CCSER1: variants seen among roughly 807,000 people sequenced by gnomAD.
The protein encoded by CCSER1 is coiled-coil serine rich protein 1, also known as serine-rich coiled-coil domain-containing protein 1.
CCSER1 carries 41 observed loss-of-function variants against 82.0 expected under a neutral mutation model. The observed-to-expected ratio is 0.50, with a 90% CI of 0.39 to 0.65. The LOEUF is 0.65. CCSER1 is among the 30% of genes least tolerant of loss of function. The probability of loss-of-function intolerance (pLI) is 0.00; values close to 1 mark genes in which losing one functional copy is unlikely to be tolerated. For synonymous variants in CCSER1, 414 were observed against 383.9 expected, an observed-to-expected ratio of 1.08 and a Z score of -0.92; for missense variants, 1,119 against 1,064.2, an observed-to-expected ratio of 1.05 and a Z score of -0.72.
At chr4:91,091,366 G>C (rs1723932296) in intron 10 of CCSER1, among the ~76,000 whole-genome samples, 1 of 152,066 alleles carries the variant, frequency 6.6e-6, no homozygotes, top group South Asian at 2.1e-4. Context: ...TTTGTACTGA[G>C]TGTTATTATA....
At chr4:90,232,511 A>G (rs984248161) in intron 1 of CCSER1, among the ~76,000 whole-genome samples, 6 of 151,846 alleles carry the variant, frequency 4.0e-5, no homozygotes, top group Admixed American at 1.3e-4. Context: ...ACCTAAAACC[A>G]TAAAAACCCT....
At chr4:90,560,237 C>T (rs78052145) in intron 5 of CCSER1, among the ~76,000 whole-genome samples, 3,630 of 151,940 alleles carry the variant, frequency 0.024, 105 homozygotes, top group South Asian at 0.077. Context: ...AGGGGGTATC[C>T]CTTGGTGCAC....
intron 1 of CCSER1, among the ~76,000 whole-genome samples, chr4:90,155,457 C>T (rs543632298): frequency 4.3e-4 from 66 of 152,254 alleles, no homozygotes; most frequent in Admixed American, 4.1e-3. Flanking sequence ...AGGAATGGTA[C>T]CAGTTCCTCC....
At chr4:90,328,022 A>T (rs1301245309) in intron 3 of CCSER1, among the ~76,000 whole-genome samples, 4 of 151,954 alleles carry the variant, frequency 2.6e-5, no homozygotes, top group Non-Finnish European at 5.9e-5. Context: ...TCACACCCAC[A>T]CTTTAAACAC....
intron 1 of CCSER1, among the ~76,000 whole-genome samples, chr4:90,156,624 G>T (rs183161418): frequency 0.033 from 5,087 of 152,232 alleles, 148 homozygotes; most frequent in Non-Finnish European, 0.05. Flanking sequence ...TTACCATTAT[G>T]TAATGGCCTT....
chr4:90,240,118 G>C (rs1746565511), intron 1 of CCSER1, among the ~76,000 whole-genome samples: 1 of 152,144 alleles, frequency 6.6e-6, no homozygotes, highest in Non-Finnish European at 1.5e-5. Context: ...GTTTGGCTGA[G>C]CATCCAGAGA....
chr4:91,373,798 C>G (rs1297190643), intron 10 of CCSER1, among the ~76,000 whole-genome samples: 1 of 152,038 alleles, frequency 6.6e-6, no homozygotes, highest in African/African-American at 2.4e-5. Context: ...GTTTCTTGCA[C>G]CAGCAATTAG....
intron 1 of CCSER1, among the ~76,000 whole-genome samples, chr4:90,167,980 G>T (rs1489405573): frequency 2.0e-5 from 3 of 152,146 alleles, no homozygotes; most frequent in East Asian, 1.9e-4. Context: ...AATCCTTTGG[G>T]TATCTACCCA....
chr4:90,135,457 A>C (rs1357066397), intron 1 of CCSER1, among the ~76,000 whole-genome samples: 3 of 152,218 alleles, frequency 2.0e-5, no homozygotes, highest in African/African-American at 7.2e-5. Flanking sequence ...ATCTGCCAGC[A>C]GACACCAGAA....
intron 1 of CCSER1, among the ~76,000 whole-genome samples, chr4:90,251,991 C>A (rs1722477435): frequency 1.3e-5 from 2 of 151,700 alleles, no homozygotes; most frequent in South Asian, 2.1e-4. Flanking sequence ...ATTCTGCTGG[C>A]TTTTAAGTTT....
chr4:90,616,819 G>C (rs1721376116), intron 5 of CCSER1, among the ~76,000 whole-genome samples: 3 of 152,068 alleles, frequency 2.0e-5, no homozygotes, highest in African/African-American at 4.8e-5. Context: ...GAATTACTCT[G>C]AGGTGAAACT....
intron 9 of CCSER1, among the ~76,000 whole-genome samples, chr4:91,065,375 T>C (rs72886657): frequency 0.021 from 3,269 of 152,230 alleles, 104 homozygotes; most frequent in African/African-American, 0.073. Flanking sequence ...TGATGTACAT[T>C]ATTGTATAAT....
chr4:90,329,261 C>A (rs1434010310), intron 3 of CCSER1, among the ~76,000 whole-genome samples: 1 of 152,054 alleles, frequency 6.6e-6, no homozygotes, highest in Non-Finnish European at 1.5e-5. Flanking sequence ...ACACTGAACT[C>A]CAATGTTACC....
intron 9 of CCSER1, among the ~76,000 whole-genome samples, chr4:90,978,022 G>T (rs1205848287): frequency 2.6e-5 from 4 of 151,514 alleles, no homozygotes; most frequent in Non-Finnish European, 5.9e-5. Context: ...CTGATATCCT[G>T]CAAATTACAT....
intron 4 of CCSER1, among the ~76,000 whole-genome samples, chr4:90,437,857 A>C (rs1352789999): frequency 6.6e-6 from 1 of 152,162 alleles, no homozygotes; most frequent in Non-Finnish European, 1.5e-5. Context: ...TTGAGAACTG[A>C]ATAGCCAGAG....
At chr4:90,574,561 C>A (rs1477172589) in intron 5 of CCSER1, among the ~76,000 whole-genome samples, 4 of 151,858 alleles carry the variant, frequency 2.6e-5, no homozygotes, top group Non-Finnish European at 4.4e-5. Context: ...AGCCACCGCG[C>A]CTGGCCCGAA....
At chr4:91,260,742 T>A (rs1039603224) in intron 10 of CCSER1, among the ~76,000 whole-genome samples, 2 of 151,728 alleles carry the variant, frequency 1.3e-5, no homozygotes, top group African/African-American at 2.4e-5. Context: ...CTAGGAAGTT[T>A]TTTATTTATT....
At chr4:91,540,718 G>C (rs1195367299) in intron 10 of CCSER1, among the ~76,000 whole-genome samples, 1 of 152,100 alleles carries the variant, frequency 6.6e-6, no homozygotes, top group South Asian at 2.1e-4. Flanking sequence ...GTTGACTTTT[G>C]TGAAGGATGT....
intron 5 of CCSER1, among the ~76,000 whole-genome samples, chr4:90,475,595 C>G (rs1177944978): frequency 6.6e-6 from 1 of 152,186 alleles, no homozygotes; most frequent in African/African-American, 2.4e-5. Flanking sequence ...GCCTGAGAAA[C>G]TTAAGCAGAC....
Sources: allele counts gnomAD v4.1 joint callset (sites outside exome capture counted in the v4.1 genomes callset), GRCh38; gene constraint gnomAD v4.1.1; transcripts MANE v1.5; gene names NCBI Gene and HGNC (gene_info 2026-07-23, HGNC 2026-07-21).